Variants in PLEKHG1 observed in about 807,000 individuals in gnomAD.
PLEKHG1 encodes the protein pleckstrin homology and RhoGEF domain containing G1.
PLEKHG1 carries 44 observed loss-of-function variants against 100.8 expected under a neutral mutation model. The observed-to-expected ratio is 0.44, with a 90% CI of 0.34 to 0.56. The LOEUF (loss-of-function observed/expected upper bound fraction) is 0.56, where lower values mean the gene tolerates loss of function less well. Among genes scored for constraint, PLEKHG1 ranks in the 20% least tolerant of loss-of-function variants. The pLI, the probability that PLEKHG1 is intolerant of heterozygous loss-of-function variation, is 0.01. For synonymous variants in PLEKHG1, 640 were observed against 662.5 expected (o/e 0.97, Z 0.52); for missense variants, 1,545 against 1,720.9 (o/e 0.90, Z 1.81).
intron 2 of PLEKHG1, among the ~76,000 whole-genome samples, chr6:150,638,670 G>A (rs1467466708): frequency 1.3e-5 from 2 of 152,166 alleles, no homozygotes; most frequent in Non-Finnish European, 2.9e-5. Flanking sequence ...AACAATTGCT[G>A]TTCAGTGGTG....
At chr6:150,805,604 G>A (rs188393244) in intron 7 of PLEKHG1, among the ~76,000 whole-genome samples, 17 of 151,872 alleles carry the variant, frequency 1.1e-4, no homozygotes, top group East Asian at 3.9e-4. Context: ...CTCAGCTCAC[G>A]GCAACCTTCG....
At chr6:150,684,478 C>T (rs1007633860) in intron 3 of PLEKHG1, among the ~76,000 whole-genome samples, 2 of 152,212 alleles carry the variant, frequency 1.3e-5, no homozygotes, top group Non-Finnish European at 2.9e-5. Context: ...TTCTCACATA[C>T]CTCCATATGC....
intron 3 of PLEKHG1, among the ~76,000 whole-genome samples, chr6:150,710,164 A>G (rs942920229): frequency 1.3e-5 from 2 of 152,220 alleles, no homozygotes; most frequent in African/African-American, 2.4e-5. Context: ...TGTCTGATCC[A>G]TACTGGCAAC....
At chr6:150,707,371 G>C (rs1257920091) in intron 3 of PLEKHG1, among the ~76,000 whole-genome samples, 1 of 152,106 alleles carries the variant, frequency 6.6e-6, no homozygotes, top group Admixed American at 6.5e-5. Context: ...ATATAGTCTG[G>C]TAATTTCTAG....
intron 10 of PLEKHG1, among the ~76,000 whole-genome samples, chr6:150,813,824 G>A (rs1463241976): frequency 2.6e-5 from 4 of 152,116 alleles, no homozygotes; most frequent in Non-Finnish European, 4.4e-5. Context: ...TTAGAAAGTG[G>A]TCAAGGAACT....
chr6:150,628,697 G>A (rs9480501), intron 1 of PLEKHG1, among the ~76,000 whole-genome samples: 3 of 152,044 alleles, frequency 2.0e-5, no homozygotes, highest in South Asian at 2.1e-4. Flanking sequence ...TATTCTGCCC[G>A]TACTATTAAT....
At chr6:150,668,269 A>G (rs1782074819) in intron 3 of PLEKHG1, among the ~76,000 whole-genome samples, 1 of 152,210 alleles carries the variant, frequency 6.6e-6, no homozygotes, top group African/African-American at 2.4e-5. Flanking sequence ...GGAGCCTTCA[A>G]CAGCTAGAAC....
exon 16 of PLEKHG1, chr6:150,841,312 A>G (rs1326079937): frequency 2.2e-5 from 6 of 271,696 alleles, no homozygotes; most frequent in Non-Finnish European, 4.3e-5. Context: ...AAAGGCAACG[A>G]AAGCTGTTGA....
In PLEKHG1 at chr6:150,715,781, G is replaced by T. The variant is rs1363184842; in HGVS notation, c.-98-17803G>T. Among the ~76,000 whole-genome samples the T allele has an allele frequency of 3.3e-5, 5 of 149,582 alleles. No individual in the cohort carries two copies. In the East Asian group the frequency reaches 8.1e-4, roughly 24 times the overall value. ...TTACAGGCGTGAGCCACCATGCCTG[G>T]CCCCTCACATTTATGCTGTCATGTG... On this transcript the variant is annotated intron_variant, in intron 3 of 3. Coordinates refer to the PLEKHG1 transcript ENST00000367326.
chr6:150,828,460 A>C (rs929259265), intron 14 of PLEKHG1: 8 of 1,284,040 alleles, frequency 6.2e-6, no homozygotes, highest in Non-Finnish European at 6.4e-6. Flanking sequence ...AAAAGCAAGA[A>C]TGAATCCTTG....
At chr6:150,787,472 C>A (rs570932052) in intron 4 of PLEKHG1, among the ~76,000 whole-genome samples, 1 of 152,296 alleles carries the variant, frequency 6.6e-6, no homozygotes, top group East Asian at 1.9e-4. Context: ...AACATTCAAC[C>A]GCTTTTGTTT....
chr6:150,756,283 G>A (rs958078807), intron 2 of PLEKHG1, among the ~76,000 whole-genome samples: 2 of 152,160 alleles, frequency 1.3e-5, no homozygotes, highest in Admixed American at 6.5e-5. Context: ...GCCTCTGCCT[G>A]CTCCCCTGCA....
intron 2 of PLEKHG1, among the ~76,000 whole-genome samples, chr6:150,753,446 A>C: frequency 6.6e-6 from 1 of 152,206 alleles, no homozygotes; most frequent in East Asian, 1.9e-4. Context: ...TGATGCCCTT[A>C]ACCTTTCAGA....
chr6:150,765,556 A>G (rs1784418659), intron 2 of PLEKHG1, among the ~76,000 whole-genome samples: 1 of 152,074 alleles, frequency 6.6e-6, no homozygotes, highest in East Asian at 1.9e-4. Flanking sequence ...GCTATTAACT[A>G]ACCTATTTCC....
chr6:150,624,584 C>G (rs937807003), intron 1 of PLEKHG1: 4 of 152,216 alleles, frequency 2.6e-5, no homozygotes, highest in African/African-American at 9.6e-5. Context: ...GTTCTTCATC[C>G]TTACTTCCAA....
chr6:150,706,992 C>T (rs376377068), intron 3 of PLEKHG1, among the ~76,000 whole-genome samples: 120 of 58,382 alleles, frequency 2.1e-3, no homozygotes, highest in South Asian at 0.011. Context: ...TTTTCTTTTT[C>T]TTTTTCTTTT....
chr6:150,634,090 A>AC (rs200186720), intron 1 of PLEKHG1, among the ~76,000 whole-genome samples: 2,239 of 151,492 alleles, frequency 0.015, 26 homozygotes, highest in South Asian at 0.026. Flanking sequence ...AACAACAACA[A>AC]AAAAAAATCC....
intron 2 of PLEKHG1, among the ~76,000 whole-genome samples, chr6:150,750,998 T>A (rs1287737343): frequency 1.3e-5 from 2 of 152,132 alleles, no homozygotes; most frequent in African/African-American, 2.4e-5. Flanking sequence ...AAAAATTAGA[T>A]CATCCGTGTA....
chr6:150,604,049 G>A (rs1429992442), intron 1 of PLEKHG1, among the ~76,000 whole-genome samples: 1 of 152,076 alleles, frequency 6.6e-6, no homozygotes, highest in African/African-American at 2.4e-5. Flanking sequence ...CACTAGGAAG[G>A]GCAAACCCTT....
Sources: gnomAD v4.1 joint callset for allele counts (sites outside exome capture counted in the v4.1 genomes callset) on GRCh38, gnomAD v4.1.1 for gene constraint, MANE v1.5 for transcripts, NCBI Gene and HGNC (gene_info 2026-07-23, HGNC 2026-07-21) for gene names.